Variants in GNAO1 observed in about 807,000 individuals in gnomAD.
The protein encoded by GNAO1 is G protein subunit alpha o1.
For missense variants in GNAO1, 166 were observed against 478.7 expected (o/e 0.35, Z 6.10); for synonymous variants, 164 against 180.7 (o/e 0.91, Z 0.74).
At chr16:56,341,272 CTGTGACGA>C (rs2037800705) in intron 6 of GNAO1, among the ~76,000 whole-genome samples, 1 of 152,160 alleles carries the variant, frequency 6.6e-6, no homozygotes, top group Admixed American at 6.5e-5. Flanking sequence ...CAGGGGCTCT[CTGTGACGA>C]GACGAGCAAA....
chr16:56,349,155 G>A (rs899590899), intron 6 of GNAO1, among the ~76,000 whole-genome samples: 43 of 152,178 alleles, frequency 2.8e-4, no homozygotes, highest in Admixed American at 1.5e-3. Context: ...GAGCCTAAAT[G>A]AGCCGGACTT....
At chr16:56,215,330 G>A (rs748063574) in intron 2 of GNAO1, among the ~76,000 whole-genome samples, 6 of 152,174 alleles carry the variant, frequency 3.9e-5, no homozygotes, top group Non-Finnish European at 5.9e-5. Flanking sequence ...GTAGACACAC[G>A]AGCAAACACA....
chr16:56,211,677 G>A (rs75766485), intron 2 of GNAO1, among the ~76,000 whole-genome samples: 16 of 152,264 alleles, frequency 1.1e-4, no homozygotes, highest in East Asian at 7.7e-4. Flanking sequence ...TGTTTCAGTC[G>A]CGACTTGAAA....
intron 2 of GNAO1, among the ~76,000 whole-genome samples, chr16:56,266,958 G>A (rs923127357): frequency 8.5e-5 from 13 of 152,142 alleles, no homozygotes; most frequent in East Asian, 3.9e-4. Flanking sequence ...GTCCCCAGCC[G>A]CCACCGTGTC....
intron 1 of GNAO1, 64 bp downstream of exon 1, chr16:56,192,417 C>T: frequency 9.7e-7 from 1 of 1,028,402 alleles, no homozygotes; most frequent in East Asian, 2.6e-5. Context: ...CTGCCACCAG[C>T]TCCCCCACCC....
At chr16:56,349,833 T>C (rs1000441413) in intron 6 of GNAO1, among the ~76,000 whole-genome samples, 3 of 152,112 alleles carry the variant, frequency 2.0e-5, no homozygotes, top group Non-Finnish European at 4.4e-5. Context: ...GGTAGAATGA[T>C]GTAGGCACGG....
intron 3 of GNAO1, among the ~76,000 whole-genome samples, chr16:56,317,001 G>A (rs2037518119): frequency 6.6e-6 from 1 of 152,178 alleles, no homozygotes; most frequent in East Asian, 1.9e-4. Flanking sequence ...CCCACCCCCT[G>A]GCCCCTGGTT....
chr16:56,321,345 A>G (rs1196707038), intron 3 of GNAO1, among the ~76,000 whole-genome samples: 1 of 152,220 alleles, frequency 6.6e-6, no homozygotes, highest in African/African-American at 2.4e-5. Flanking sequence ...AGGCGTTGAC[A>G]TATTATGACT....
intron 3 of GNAO1, among the ~76,000 whole-genome samples, chr16:56,283,712 G>A (rs746333710): frequency 6.6e-6 from 1 of 152,178 alleles, no homozygotes; most frequent in Non-Finnish European, 1.5e-5. Context: ...GCTGGAGGAT[G>A]TAATAGATGA....
chr16:56,294,477 C>T (rs568980555), intron 3 of GNAO1, among the ~76,000 whole-genome samples: 40 of 152,220 alleles, frequency 2.6e-4, no homozygotes, highest in Non-Finnish European at 5.1e-4. Context: ...AAGCTTCCAA[C>T]CTACCCCAAG....
At position 56,192,054 on chromosome 16, in the gene GNAO1, T is replaced by C. The variant is rs1427719710; in HGVS notation, c.-182T>C. On this transcript the variant is annotated 5_prime_UTR_variant, in exon 1 of 9. Transcript: ENST00000262493. Reference sequence around the variant, plus strand: ...CCGCGAGTCTCCGCTGCTGGAATCTTGTTAGCGGCTGTCTTTTTGGAGGGT... The same window carrying C: ...CCGCGAGTCTCCGCTGCTGGAATCTCGTTAGCGGCTGTCTTTTTGGAGGGT... The C allele has an allele frequency of 1.7e-6, 1 of 583,558 alleles. No individual in the cohort carries two copies. The highest frequency in any genetic ancestry group is 3.0e-6 in the Non-Finnish European group (1 of 327,874). The allele number at this position is 583,558 out of a possible 1,614,324, so 36.1% of individuals were successfully genotyped here. A position where few individuals can be genotyped will look rare whatever the true frequency, so the allele number is the denominator to read the frequency against.
chr16:56,325,533 G>A (rs1345050230), intron 3 of GNAO1, among the ~76,000 whole-genome samples: 3 of 152,170 alleles, frequency 2.0e-5, no homozygotes, highest in Non-Finnish European at 4.4e-5. Context: ...ATTCTGGAGA[G>A]CCCGTGAAAT....
At chr16:56,299,030 C>A (rs904444693) in intron 3 of GNAO1, among the ~76,000 whole-genome samples, 1 of 152,128 alleles carries the variant, frequency 6.6e-6, no homozygotes, top group Non-Finnish European at 1.5e-5. Context: ...TTTGGGAAGG[C>A]TTGCCTCATC....
Position 56,192,077 on chromosome 16 carries a change from G to A in GNAO1, c.-159G>A, listed in dbSNP as rs1184952208. The A allele has an allele frequency of 3.4e-6, 2 of 594,108 alleles. No individual in the cohort carries two copies. The highest frequency in any genetic ancestry group is 6.0e-6 in the Non-Finnish European group (2 of 333,866). 36.8% of individuals were successfully genotyped at this position (594,108 alleles called of 1,614,324 possible). A position where few individuals can be genotyped will look rare whatever the true frequency, so the allele number is the denominator to read the frequency against. ...CTTGTTAGCGGCTGTCTTTTTGGAG[G>A]GTTCTGGTTTCCCGACATTTTTGTT... On this transcript the variant is annotated 5_prime_UTR_variant, in exon 1 of 9. Coordinates refer to ENST00000262493, the MANE Select transcript of GNAO1 (RefSeq NM_020988.3).
At chr16:56,279,645 T>C (rs1397360632) in intron 3 of GNAO1, among the ~76,000 whole-genome samples, 3 of 152,234 alleles carry the variant, frequency 2.0e-5, no homozygotes, top group Non-Finnish European at 2.9e-5. Flanking sequence ...AGCTCAGGGC[T>C]TTCTCCATGA....
At chr16:56,200,674 A>T (rs749992198) in intron 2 of GNAO1, among the ~76,000 whole-genome samples, 20 of 152,166 alleles carry the variant, frequency 1.3e-4, no homozygotes, top group Non-Finnish European at 2.6e-4. Context: ...GGCAGTAGAG[A>T]CCTGGCAGTC....
Position 56,241,014 on chromosome 16 carries a change from C to G in GNAO1, c.162-34917C>G, listed in dbSNP as rs552460947. 8.5e-5 allele frequency among the ~76,000 whole-genome samples: 13 copies of G among 152,322 alleles called. No individual in the cohort carries two copies. The South Asian group carries it at 2.7e-3, about 32-fold the overall frequency. ...TGGCATCAGCACCGTCCAGCTCTCT[C>G]TAGGGCTCCGTACTCTCTGTGTACA... On this transcript the variant is annotated intron_variant, in intron 2 of 8. Coordinates refer to ENST00000262493, the MANE Select transcript of GNAO1 (RefSeq NM_020988.3).
intron 2 of GNAO1, among the ~76,000 whole-genome samples, chr16:56,240,243 T>C (rs2036681609): frequency 6.6e-6 from 1 of 151,996 alleles, no homozygotes; most frequent in African/African-American, 2.4e-5. Flanking sequence ...TCGGGAGTGG[T>C]TAGAGGCAGG....
rs2036746937 is a variant in GNAO1 at position 56,246,639 on chromosome 16, C to G, written c.162-29292C>G. Among the ~76,000 whole-genome samples the G allele has an allele frequency of 4.6e-5, 7 of 152,288 alleles. No individual in the cohort carries two copies. The South Asian group carries it at 1.5e-3, about 32-fold the overall frequency. On this transcript the variant is annotated intron_variant, in intron 2 of 8. Coordinates refer to ENST00000262493, the MANE Select transcript of GNAO1 (RefSeq NM_020988.3). ...AGGGTTTCCCATAAGGAAAAGCTCA[C>G]ACGGCACCGCTGTCCCCACAGCGCC...
Sources: allele counts gnomAD v4.1 joint callset (sites outside exome capture counted in the v4.1 genomes callset), GRCh38; gene constraint gnomAD v4.1.1; transcripts MANE v1.5; gene names NCBI Gene and HGNC (gene_info 2026-07-23, HGNC 2026-07-21).